The following ICOS variants were observed in gnomAD, a reference collection of about 807,000 sequenced individuals.
ICOS encodes the protein inducible T-cell costimulator.
In ICOS, 15 loss-of-function variants were observed where a neutral mutation model predicts 24.6. The ratio of observed to expected loss-of-function variants is 0.61; its 90% CI spans 0.41 to 0.94. The LOEUF (loss-of-function observed/expected upper bound fraction) is 0.94, where lower values mean the gene tolerates loss of function less well. Among genes scored for constraint, ICOS ranks in the 40% least tolerant of loss-of-function variants. The pLI is 0.00. For synonymous variants in ICOS, 89 were observed against 77.5 expected, an observed-to-expected ratio of 1.15 and a Z score of -0.78; for missense variants, 200 against 233.0, an observed-to-expected ratio of 0.86 and a Z score of 0.92.
intron 1 of ICOS, among the ~76,000 whole-genome samples, chr2:203,948,601 G>T (rs1397538926): frequency 1.3e-5 from 2 of 152,172 alleles, no homozygotes; most frequent in Non-Finnish European, 2.9e-5. Context: ...AGACCAACAA[G>T]GTCCCTGGTT....
intron 1 of ICOS, among the ~76,000 whole-genome samples, chr2:203,940,506 C>A (rs1689747434): frequency 6.6e-6 from 1 of 152,062 alleles, no homozygotes; most frequent in Non-Finnish European, 1.5e-5. Context: ...GTAAGGGTGT[C>A]TTCCTTTTAC....
intron 1 of ICOS, among the ~76,000 whole-genome samples, chr2:203,943,719 A>G (rs1295246435): frequency 6.6e-6 from 1 of 152,030 alleles, no homozygotes; most frequent in African/African-American, 2.4e-5. Context: ...TAGAACTCCC[A>G]GGATTATATG....
At chr2:203,954,439 G>A (rs1228467935) in intron 1 of ICOS, among the ~76,000 whole-genome samples, 1 of 151,892 alleles carries the variant, frequency 6.6e-6, no homozygotes, top group African/African-American at 2.4e-5. Flanking sequence ...CTTTTTCAAA[G>A]TTAGCCAGAT....
At chr2:203,946,943 G>T (rs1031748773) in intron 1 of ICOS, among the ~76,000 whole-genome samples, 3 of 152,172 alleles carry the variant, frequency 2.0e-5, no homozygotes, top group Admixed American at 6.5e-5. Flanking sequence ...CTGATATCTT[G>T]CACGCTCTGC....
Position 203,959,632 on chromosome 2 carries a change from T to A in ICOS, c.*33T>A, listed in dbSNP as rs73058105. ...CTCTGGCACCCAGGCATGAAGCACG[T>A]TGGCCAGTTTTCCTCAACTTGAAGT... On this transcript the variant is annotated 3_prime_UTR_variant, in exon 5 of 5. Coordinates refer to ENST00000316386, the MANE Select transcript of ICOS (RefSeq NM_012092.4). 6.8e-6 allele frequency: 11 copies of A among 1,609,348 alleles called. No individual in the cohort carries two copies. The highest frequency in any genetic ancestry group is 3.3e-5 in the Admixed American group (2 of 60,006).
In ICOS at chr2:203,936,826, C is replaced by T; in HGVS notation, c.12C>T (p.Gly4=). The change falls in exon 1 of 5, where the codon GGC becomes GGT. Residue 4 remains glycine (G), a synonymous_variant. Coordinates refer to ENST00000316386, the MANE Select transcript of ICOS (RefSeq NM_012092.4). ...TGTTTCTGGCAAACATGAAGTCAGG[C>T]CTCTGGTATTTCTTTCTCTTCTGCT... MKS[G]LWYFFLFCLR... is the part of the protein sequence containing the mutation. 6.2e-7 allele frequency: 1 copy of T among 1,613,018 alleles called. No homozygotes were observed. Among genetic ancestry groups the T allele is most frequent in the South Asian group, 1.1e-5 (1 of 91,062 alleles).
chr2:203,953,403 A>G (rs1393265577), intron 1 of ICOS, among the ~76,000 whole-genome samples: 1 of 152,138 alleles, frequency 6.6e-6, no homozygotes, highest in Non-Finnish European at 1.5e-5. Context: ...TTTGTTCAAC[A>G]TTTTTGGTTG....
chr2:203,958,971 G>C (rs1294584973), intron 4 of ICOS, among the ~76,000 whole-genome samples: 1 of 152,174 alleles, frequency 6.6e-6, no homozygotes, highest in African/African-American at 2.4e-5. Context: ...GGGGCAGGGA[G>C]AGTGAGACAG....
intron 1 of ICOS, among the ~76,000 whole-genome samples, chr2:203,944,365 C>G (rs1330519436): frequency 6.6e-6 from 1 of 152,178 alleles, no homozygotes; most frequent in East Asian, 1.9e-4. Flanking sequence ...GGCTCTCTAA[C>G]TTGACTCACC....
chr2:203,939,258 C>T (rs748473658), intron 1 of ICOS, among the ~76,000 whole-genome samples: 4 of 152,054 alleles, frequency 2.6e-5, no homozygotes, highest in Admixed American at 6.5e-5. Flanking sequence ...TCTAAAGGAA[C>T]GTAAATCTCA....
At chr2:203,954,772 T>C (rs1054505024) in intron 1 of ICOS, among the ~76,000 whole-genome samples, 2 of 151,650 alleles carry the variant, frequency 1.3e-5, no homozygotes, top group Non-Finnish European at 2.9e-5. Context: ...TGTATGTGTG[T>C]ATATATGTAT....
chr2:203,940,407 C>T (rs749576817), intron 1 of ICOS, among the ~76,000 whole-genome samples: 9 of 152,208 alleles, frequency 5.9e-5, no homozygotes, highest in Non-Finnish European at 1.2e-4. Context: ...GACATCTGCT[C>T]CTGTCTTGTG....
chr2:203,946,442 C>G (rs1689870363), intron 1 of ICOS, among the ~76,000 whole-genome samples: 1 of 149,066 alleles, frequency 6.7e-6, no homozygotes, highest in Non-Finnish European at 1.5e-5. Context: ...TTTTTTTCTC[C>G]AAATGTTAGG....
intron 1 of ICOS, among the ~76,000 whole-genome samples, chr2:203,952,158 T>A (rs896941344): frequency 6.6e-6 from 1 of 152,092 alleles, no homozygotes; most frequent in African/African-American, 2.4e-5. Context: ...CACCCCTATT[T>A]CCTTCTGATT....
At chr2:203,936,961 G>C in intron 1 of ICOS, 89 bp downstream of exon 1, 3 of 992,260 alleles carry the variant, frequency 3.0e-6, no homozygotes, top group Admixed American at 1.8e-5. Flanking sequence ...GCACCCAAAA[G>C]ACAGTGGTTT....
At chr2:203,953,514 A>T (rs1014475211) in intron 1 of ICOS, among the ~76,000 whole-genome samples, 32 of 152,346 alleles carry the variant, frequency 2.1e-4, no homozygotes, top group South Asian at 6.2e-4. Flanking sequence ...TTGAAGATAT[A>T]TAGGGAAAAT....
chr2:203,959,455 A>T (rs750224061), intron 4 of ICOS, 131 bp from the exon 5 acceptor site: 24 of 718,738 alleles, frequency 3.3e-5, no homozygotes, highest in African/African-American at 3.5e-5. Flanking sequence ...TGTGTGTGTG[A>T]GTGTGTGTGT....
intron 1 of ICOS, among the ~76,000 whole-genome samples, chr2:203,938,315 G>C (rs374227381): frequency 6.6e-6 from 1 of 152,124 alleles, no homozygotes; most frequent in Non-Finnish European, 1.5e-5. Flanking sequence ...TGGGGAGAAC[G>C]GTATGAAGGT....
In ICOS at chr2:203,940,331, C is replaced by A. The variant is rs567678146; in HGVS notation, c.58+3459C>A. Among the ~76,000 whole-genome samples the A allele has an allele frequency of 7.6e-4, 115 of 152,304 alleles. 2 individuals are homozygous for A. The highest frequency in any genetic ancestry group is 1.9e-3 in the South Asian group (9 of 4,818). On this transcript the variant is annotated intron_variant, in intron 1 of 4. Coordinates refer to ENST00000316386, the MANE Select transcript of ICOS (RefSeq NM_012092.4). ...TGCTAGGTTTCCTCTTACAGTATTT[C>A]TCTTCTGTTTCAAGAATCCTTTCTT...
Sources: allele counts gnomAD v4.1 joint callset (sites outside exome capture counted in the v4.1 genomes callset), GRCh38; gene constraint gnomAD v4.1.1; transcripts MANE v1.5; gene names NCBI Gene and HGNC (gene_info 2026-07-23, HGNC 2026-07-21).